Variants in FAM53A observed in about 807,000 individuals in gnomAD.
FAM53A encodes protein FAM53A.
Under a neutral mutation model 26.6 loss-of-function variants are expected in FAM53A, and 28 were observed. The observed-to-expected ratio is 1.05, with a 90% CI of 0.78 to 1.45. The LOEUF (loss-of-function observed/expected upper bound fraction) is 1.45, where lower values mean the gene tolerates loss of function less well. Ranked by LOEUF, FAM53A falls within the 40% of genes most tolerant of loss-of-function variation. The pLI is 0.00. For synonymous variants in FAM53A, 290 were observed against 253.1 expected (o/e 1.15, Z -1.38); for missense variants, 650 against 575.8 (o/e 1.13, Z -1.32).
the FAM53A span, among the ~76,000 whole-genome samples, chr4:1,591,751 G>A: frequency 2.0e-5 from 3 of 152,188 alleles, no homozygotes; most frequent in Non-Finnish European, 4.4e-5. Flanking sequence ...GACCCAGAGA[G>A]GGATCTTAGC....
chr4:1,681,435 G>A (rs1033680839), intron 1 of FAM53A, among the ~76,000 whole-genome samples: 4 of 151,880 alleles, frequency 2.6e-5, no homozygotes, highest in Non-Finnish European at 4.4e-5. Context: ...GAGCCACCAC[G>A]CCCGGCTGAA....
the FAM53A span, among the ~76,000 whole-genome samples, chr4:1,577,894 C>G: frequency 6.7e-6 from 1 of 148,676 alleles, no homozygotes; most frequent in East Asian, 2.0e-4. Flanking sequence ...CAGGCAGCCG[C>G]AGGGCTGCGG....
chr4:1,593,554 T>A, the FAM53A span, among the ~76,000 whole-genome samples: 2 of 152,224 alleles, frequency 1.3e-5, no homozygotes, highest in South Asian at 4.1e-4. Context: ...GGGACTTATC[T>A]CTTTAGGGCT....
chr4:1,635,482 C>T (rs578131780), downstream of FAM53A, among the ~76,000 whole-genome samples: 113 of 152,314 alleles, frequency 7.4e-4, no homozygotes, highest in African/African-American at 2.6e-3. Context: ...CTATGTTGCC[C>T]AGGCTGGTCC....
the FAM53A span, among the ~76,000 whole-genome samples, chr4:1,577,560 C>G: frequency 1.3e-5 from 2 of 152,198 alleles, no homozygotes; most frequent in Admixed American, 6.5e-5. Flanking sequence ...TTAGGCCATC[C>G]GGCGTTTGTG....
intron 4 of FAM53A, among the ~76,000 whole-genome samples, chr4:1,647,430 C>A (rs1008579034): frequency 3.3e-5 from 5 of 152,118 alleles, no homozygotes; most frequent in African/African-American, 1.2e-4. Flanking sequence ...TGCCCCTGCA[C>A]CCTGCTCAGA....
At chr4:1,666,417 C>A (rs76791726) in intron 2 of FAM53A, among the ~76,000 whole-genome samples, 36,841 of 146,584 alleles carry the variant, frequency 0.25, 5,834 homozygotes, top group Middle Eastern at 0.45. Context: ...CCTGTACCCC[C>A]CTGTATCTAA....
At chr4:1,644,553 T>A (rs1712067269) in intron 4 of FAM53A, 2 of 549,302 alleles carry the variant, frequency 3.6e-6, no homozygotes, top group Admixed American at 6.9e-5. Flanking sequence ...GCGCCACCCA[T>A]CCGCCTCGCG....
At chr4:1,650,213 ATTTGACTGTGAGGTGGCACAGGCGTGGCG>A (rs1560153277) in intron 4 of FAM53A, among the ~76,000 whole-genome samples, 3 of 84,104 alleles carry the variant, frequency 3.6e-5, no homozygotes, top group Admixed American at 1.5e-4. Flanking sequence ...CAGGCGTGAC[ATTTGACTGTGAGGTGGCACAGGCGTGGCG>A]TTTGACTGTG....
intron 1 of FAM53A, among the ~76,000 whole-genome samples, chr4:1,634,072 G>A (rs1715731755): frequency 6.6e-6 from 1 of 152,156 alleles, no homozygotes; most frequent in Admixed American, 6.5e-5. Context: ...TGAGTAGCAG[G>A]TGGCAGAGGG....
chr4:1,630,317 C>A lies in FAM53A; in HGVS notation c.432-12206G>T, dbSNP rs79012341. On this transcript the variant is annotated intron_variant, in intron 1 of 1. Coordinates refer to the FAM53A transcript ENST00000489029. This position sits in a 1 kb window ranked among gnomAD's most constrained non-coding sequence, Gnocchi z 4.3. ...AGAGCCCACCTTGGTGTTGTGGCCC[C>A]CATGGTGTCTGCTGAGACCACTCAC... Among the ~76,000 whole-genome samples the A allele has an allele frequency of 5.0e-3, 762 of 152,344 alleles. 6 individuals carry two copies. The highest frequency in any genetic ancestry group is 0.017 in the African/African-American group (726 of 41,570).
At position 1,679,684 on chromosome 4, in the gene FAM53A, TAA is replaced by T. The variant is rs35096985; in HGVS notation, c.-165+4547_-165+4548del. Among the ~76,000 whole-genome samples, 280 of 112,466 alleles carry T rather than the reference TAA, an allele frequency of 2.5e-3. 1 individual carries two copies. Among genetic ancestry groups the T allele is most frequent in the Admixed American group, 4.9e-3 (52 of 10,606 alleles). 73.8% of individuals were successfully genotyped at this position (112,466 alleles called of 152,430 possible). On this transcript the variant is annotated intron_variant, in intron 1 of 4. Transcript: ENST00000308132. Reference sequence around the variant, plus strand: ...CTAGGCAACAAGAGGGAAACTCCATTAAAAAAAAAAAAAAAAAAAAGAACCCA... The same window carrying T: ...CTAGGCAACAAGAGGGAAACTCCATTAAAAAAAAAAAAAAAAAAGAACCCA...
the FAM53A span, among the ~76,000 whole-genome samples, chr4:1,605,418 G>GC: frequency 2.6e-5 from 4 of 152,072 alleles, no homozygotes; most frequent in African/African-American, 9.7e-5. The surrounding 1 kb of genome is among the most constrained non-coding windows in gnomAD (Gnocchi z 5.7). Context: ...CGCCCATTCC[G>GC]CCCCCACCAA....
chr4:1,684,470 C>T (rs1715675596), upstream of FAM53A, among the ~76,000 whole-genome samples: 7 of 150,114 alleles, frequency 4.7e-5, 1 homozygote, highest in South Asian at 1.5e-3. Flanking sequence ...CTCCAGGCGC[C>T]CAGGCTCGCA....
chr4:1,656,547 G>A (rs1373788164), intron 3 of FAM53A, among the ~76,000 whole-genome samples: 1 of 152,006 alleles, frequency 6.6e-6, no homozygotes, highest in Non-Finnish European at 1.5e-5. Context: ...AGAGCGGCCG[G>A]CTGGGTGAGG....
At chr4:1,663,952 G>A (rs1224596728) in intron 2 of FAM53A, among the ~76,000 whole-genome samples, 1 of 152,086 alleles carries the variant, frequency 6.6e-6, no homozygotes, top group Non-Finnish European at 1.5e-5. Flanking sequence ...GCAACTCCCA[G>A]AACACACATG....
At chr4:1,600,969 C>G in the FAM53A span, among the ~76,000 whole-genome samples, 8 of 152,142 alleles carry the variant, frequency 5.3e-5, no homozygotes, top group African/African-American at 1.9e-4. Context: ...AGGGCCCAGC[C>G]CTGGAGGGAG....
downstream of FAM53A, among the ~76,000 whole-genome samples, chr4:1,636,504 G>A (rs888696978): frequency 7.2e-5 from 11 of 152,224 alleles, no homozygotes; most frequent in African/African-American, 1.2e-4. Context: ...GTCCGTCCTC[G>A]CGCTTCAAGC....
At chr4:1,618,111 C>G in exon 2 of FAM53A, 1 of 456,364 alleles carries the variant, frequency 2.2e-6, no homozygotes, top group Non-Finnish European at 4.4e-6. Flanking sequence ...CGTGAGGCAA[C>G]CTGGAAGGAA....
Sources: allele counts gnomAD v4.1 joint callset (sites outside exome capture counted in the v4.1 genomes callset), GRCh38; gene constraint gnomAD v4.1.1; non-coding constraint Gnocchi (gnomAD v3.1); transcripts MANE v1.5; gene names NCBI Gene and HGNC (gene_info 2026-07-23, HGNC 2026-07-21).